SUGCT: variants seen among roughly 807,000 people sequenced by gnomAD.
SUGCT encodes succinyl-CoA:glutarate-CoA transferase, also known as succinyl-CoA:glutarate CoA-transferase.
Under a neutral mutation model 55.0 loss-of-function variants are expected in SUGCT, and 41 were observed. That is an observed-to-expected ratio of 0.74 (90% confidence interval 0.58 to 0.97). The LOEUF (loss-of-function observed/expected upper bound fraction) is 0.97. Ranked by LOEUF, SUGCT falls within the 50% of genes least tolerant of loss-of-function variation. The pLI is 0.00. For missense variants in SUGCT, 568 were observed against 547.8 expected (o/e 1.04, Z -0.37); for synonymous variants, 187 against 200.4 (o/e 0.93, Z 0.56).
chr7:40,893,640 A>G, the SUGCT span, among the ~76,000 whole-genome samples: 1 of 152,220 alleles, frequency 6.6e-6, no homozygotes, highest in African/African-American at 2.4e-5. Context: ...TTTTAAAAAA[A>G]TATTCACAGA....
chr7:40,479,850 G>A (rs1790924634), intron 11 of SUGCT, among the ~76,000 whole-genome samples: 1 of 151,912 alleles, frequency 6.6e-6, no homozygotes, highest in South Asian at 2.1e-4. Flanking sequence ...TCCTTTGCTT[G>A]TTTTTACATT....
chr7:40,277,028 G>A (rs918080700), intron 8 of SUGCT, among the ~76,000 whole-genome samples: 8 of 152,130 alleles, frequency 5.3e-5, no homozygotes, highest in African/African-American at 1.4e-4. Flanking sequence ...CCTTAGGTTT[G>A]CCAAGGAAGA....
At chr7:40,440,561 C>A (rs1788459989) in intron 9 of SUGCT, among the ~76,000 whole-genome samples, 1 of 152,122 alleles carries the variant, frequency 6.6e-6, no homozygotes, top group Admixed American at 6.6e-5. Flanking sequence ...ACTTAAGCAT[C>A]ATCATGACAC....
chr7:40,408,007 G>T (rs1329936576), intron 9 of SUGCT, among the ~76,000 whole-genome samples: 1 of 152,046 alleles, frequency 6.6e-6, no homozygotes, highest in Non-Finnish European at 1.5e-5. Context: ...AAGTCATTCA[G>T]ATTAAATGTA....
intron 1 of SUGCT, among the ~76,000 whole-genome samples, chr7:40,180,516 G>T (rs1422251928): frequency 6.7e-6 from 1 of 150,048 alleles, no homozygotes. Context: ...TCGAGACAGA[G>T]CCTTGCTCTG....
chr7:40,844,415 G>A (rs1793451456), intron 13 of SUGCT, among the ~76,000 whole-genome samples: 1 of 152,038 alleles, frequency 6.6e-6, no homozygotes, highest in Admixed American at 6.5e-5. Flanking sequence ...GCTGGAAGGG[G>A]GACAGAGTGG....
chr7:40,567,037 C>T lies in SUGCT; in HGVS notation c.1089+70651C>T, dbSNP rs149979595. Among the ~76,000 whole-genome samples the T allele has an allele frequency of 4.4e-3, 672 of 152,278 alleles. 6 individuals carry two copies. Among genetic ancestry groups the T allele is most frequent in the African/African-American group, 0.015 (627 of 41,552 alleles). Reference sequence around the variant, plus strand: ...CCAAAAGCCACATCTAAAAAGGTCACGAAAGGAAACACACAATTCAAATAA... The same window carrying T: ...CCAAAAGCCACATCTAAAAAGGTCATGAAAGGAAACACACAATTCAAATAA... On this transcript the variant is annotated intron_variant, in intron 12 of 13. Coordinates refer to ENST00000335693, the MANE Select transcript of SUGCT (RefSeq NM_001193313.2).
chr7:40,797,801 A>T lies in SUGCT; in HGVS notation c.1153+48304A>T, dbSNP rs574475472. Among the ~76,000 whole-genome samples, 3 of 152,348 alleles carry T rather than the reference A, an allele frequency of 2.0e-5. No individual in the cohort carries two copies. In the East Asian group the frequency reaches 5.8e-4, roughly 29 times the overall value. On this transcript the variant is annotated intron_variant, in intron 13 of 13. Transcript: ENST00000335693. The stretch of plus-strand genomic sequence containing the variant: ...CTTTTAGGATTTAGTGCTTCACAGT[A>T]TTAGGTACATACTCTGTATGCCCTT...
At chr7:40,853,324 G>A (rs1793950469) in intron 13 of SUGCT, among the ~76,000 whole-genome samples, 1 of 152,060 alleles carries the variant, frequency 6.6e-6, no homozygotes, top group African/African-American at 2.4e-5. Context: ...CAACAAATTT[G>A]TATTGATTGA....
At chr7:40,442,716 T>A (rs909913503) in intron 9 of SUGCT, among the ~76,000 whole-genome samples, 15 of 152,108 alleles carry the variant, frequency 9.9e-5, no homozygotes, top group African/African-American at 3.1e-4. Flanking sequence ...CAAATTCTTA[T>A]AAAAAGCTCA....
intron 1 of SUGCT, among the ~76,000 whole-genome samples, chr7:40,164,147 G>A (rs532610901): frequency 2.7e-5 from 4 of 146,414 alleles, no homozygotes; most frequent in East Asian, 4.0e-4. Context: ...TTTTTGAGAC[G>A]GAGTCTCGTT....
chr7:40,604,012 C>T (rs1798412448), intron 12 of SUGCT, among the ~76,000 whole-genome samples: 1 of 152,054 alleles, frequency 6.6e-6, no homozygotes, highest in Non-Finnish European at 1.5e-5. Context: ...TTCTTTAGCC[C>T]ATCCTGAGGT....
intron 9 of SUGCT, among the ~76,000 whole-genome samples, chr7:40,416,652 G>A (rs889280739): frequency 1.3e-5 from 2 of 151,844 alleles, no homozygotes; most frequent in Non-Finnish European, 2.9e-5. Flanking sequence ...TAGAAATCTT[G>A]CGAATATTGA....
chr7:40,311,476 A>G (rs10224001), intron 8 of SUGCT, among the ~76,000 whole-genome samples: 85,219 of 152,046 alleles, frequency 0.56, 25,275 homozygotes, highest in Non-Finnish European at 0.67. Context: ...GCTCCTTACC[A>G]TTACTACAAT....
intron 6 of SUGCT, among the ~76,000 whole-genome samples, chr7:40,232,868 G>T (rs929305145): frequency 1.3e-5 from 2 of 152,110 alleles, no homozygotes; most frequent in Non-Finnish European, 2.9e-5. Flanking sequence ...TGAATATAAA[G>T]TAGAATCGAT....
intron 13 of SUGCT, among the ~76,000 whole-genome samples, chr7:40,766,804 A>G (rs887851498): frequency 6.6e-6 from 1 of 152,208 alleles, no homozygotes; most frequent in Non-Finnish European, 1.5e-5. Context: ...TTCACGTGAC[A>G]TATTTTGAAA....
At chr7:41,036,612 T>C in the SUGCT span, among the ~76,000 whole-genome samples, 2 of 152,182 alleles carry the variant, frequency 1.3e-5, no homozygotes, top group Non-Finnish European at 2.9e-5. Context: ...AACCCAGGAC[T>C]CTACTGGGAT....
At chr7:40,147,759 T>G (rs557087596) in intron 1 of SUGCT, among the ~76,000 whole-genome samples, 1 of 152,310 alleles carries the variant, frequency 6.6e-6, no homozygotes, top group East Asian at 1.9e-4. Context: ...GGGGCGGACC[T>G]CCTCATGAGA....
At chr7:40,976,141 AGTC>A in the SUGCT span, among the ~76,000 whole-genome samples, 1 of 152,194 alleles carries the variant, frequency 6.6e-6, no homozygotes, top group African/African-American at 2.4e-5. Context: ...ACAGAAGAGG[AGTC>A]GTTGTGAACA....
Sources: gnomAD v4.1 joint callset for allele counts (sites outside exome capture counted in the v4.1 genomes callset) on GRCh38, gnomAD v4.1.1 for gene constraint, MANE v1.5 for transcripts, NCBI Gene and HGNC (gene_info 2026-07-23, HGNC 2026-07-21) for gene names.